SCP2: variants seen among roughly 807,000 people sequenced by gnomAD.
SCP2 encodes the protein sterol carrier protein 2, also known as SCP-2/3-oxoacyl-CoA thiolase.
A neutral mutation model predicts 71.4 loss-of-function variants in SCP2; 48 were observed. That is an observed-to-expected ratio of 0.67 (90% CI 0.53 to 0.86). The LOEUF is 0.86. Among genes scored for constraint, SCP2 ranks in the 40% least tolerant of loss-of-function variants. The pLI is 0.00. For missense variants in SCP2, 560 were observed against 655.6 expected (o/e 0.85, Z 1.59); for synonymous variants, 220 against 218.1 (o/e 1.01, Z -0.08).
chr1:53,032,915 A>G (rs1662660182), intron 13 of SCP2, among the ~76,000 whole-genome samples: 1 of 152,106 alleles, frequency 6.6e-6, no homozygotes, highest in South Asian at 2.1e-4. Context: ...TTAATACAAA[A>G]GTATTAAAAA....
chr1:52,935,596 A>G (rs1653657680), intron 1 of SCP2, among the ~76,000 whole-genome samples: 1 of 150,702 alleles, frequency 6.6e-6, no homozygotes. Context: ...TCAAAAAAAA[A>G]AAAAAAGAAA....
intron 2 of SCP2, among the ~76,000 whole-genome samples, chr1:52,947,272 A>G (rs1654893775): frequency 6.8e-6 from 1 of 147,772 alleles, no homozygotes; most frequent in African/African-American, 2.5e-5. Context: ...AAAAAAAAGA[A>G]TGAAGAGTGG....
chr1:52,976,760 TA>T lies in SCP2; in HGVS notation c.666del (p.Leu222PhefsTer38). On this transcript the variant is annotated frameshift_variant, in exon 8 of 16. Coordinates refer to ENST00000371514, the MANE Select transcript of SCP2 (RefSeq NM_002979.5). LOFTEE classifies it high-confidence loss of function. ...GAAGTTTTTGATTTTTTGACTATCT[TA>T]CAATGTTGGTAAGAAAAATATATTT... ...SKEVFDFLTI[L>X]QCCPTSDGAA... 1 of 1,450,834 alleles carries T rather than the reference TA, an allele frequency of 6.9e-7. No homozygotes were observed. Among genetic ancestry groups the T allele is most frequent in the Non-Finnish European group, 9.7e-7 (1 of 1,031,792 alleles). 89.9% of individuals were successfully genotyped at this position (1,450,834 alleles called of 1,614,324 possible).
chr1:52,982,295 G>A (rs1328355169), intron 10 of SCP2, among the ~76,000 whole-genome samples: 1 of 152,186 alleles, frequency 6.6e-6, no homozygotes, highest in Admixed American at 6.5e-5. Flanking sequence ...AGTTGGCAGG[G>A]CGCGGTGGCT....
In SCP2 at chr1:53,014,919, C is replaced by A. The variant is rs369561869; in HGVS notation, c.1111C>A (p.Gln371Lys). The A allele has an allele frequency of 6.2e-7, 1 of 1,613,394 alleles. No homozygotes were observed. The highest frequency in any genetic ancestry group is 1.3e-5 in the African/African-American group (1 of 74,896). ...GLAQCAELCW[Q>K]LRGEAGKRQV... ...TGCTCAGTGTGCAGAACTCTGCTGG[C>A]AGCTGAGAGGGGAAGCCGGAAAGAG... Residue 371 changes from glutamine (Q) to lysine (K), a missense_variant, in exon 12 of 16, where the codon CAG becomes AAG. Around this residue, in one of 3 missense-constraint regions of SCP2, gnomAD observed 513 missense variants for 573.1 expected, o/e 0.90. Transcript: ENST00000371514.
At position 52,978,211 on chromosome 1, in the gene SCP2, T is replaced by C. The variant is rs115815213; in HGVS notation, c.675-6T>C. On this transcript the variant is annotated splice_region_variant and splice_polypyrimidine_tract_variant and intron_variant, in intron 8 of 15. Coordinates refer to ENST00000371514, the MANE Select transcript of SCP2 (RefSeq NM_002979.5). ...GGTGTGGAGAATTATTTTTACTTCC[T>C]CTTAGTCCCACTTCAGATGGTGCTG... 849 of 1,613,340 alleles carry C rather than the reference T, an allele frequency of 5.3e-4. 5 individuals are homozygous for C. The African/African-American group carries it at 0.01, about 19-fold the overall frequency.
chr1:53,029,628 A>C (rs1662384187), intron 13 of SCP2, among the ~76,000 whole-genome samples: 1 of 152,216 alleles, frequency 6.6e-6, no homozygotes, highest in Non-Finnish European at 1.5e-5. Context: ...AGGCCAGAGG[A>C]CTACTTAATA....
chr1:52,967,033 C>CA (rs1177085651), intron 6 of SCP2, among the ~76,000 whole-genome samples: 2 of 147,680 alleles, frequency 1.4e-5, no homozygotes, highest in Admixed American at 1.4e-4. Context: ...ACTAAGAATA[C>CA]AAAAAAATTA....
At chr1:53,026,152 C>T (rs1386058972) in intron 12 of SCP2, among the ~76,000 whole-genome samples, 2 of 151,984 alleles carry the variant, frequency 1.3e-5, no homozygotes, top group African/African-American at 4.8e-5. Flanking sequence ...TGTACATAGT[C>T]TCAGGGTACA....
intron 2 of SCP2, among the ~76,000 whole-genome samples, chr1:52,946,890 C>T (rs1193934769): frequency 6.6e-6 from 1 of 151,554 alleles, no homozygotes; most frequent in East Asian, 1.9e-4. Flanking sequence ...AATCCCCTCT[C>T]TACTAAAAAC....
chr1:53,037,902 A>ACACACACACACACACC (rs1663086138), intron 13 of SCP2, among the ~76,000 whole-genome samples: 4 of 108,510 alleles, frequency 3.7e-5, no homozygotes, highest in African/African-American at 1.9e-4. Context: ...ACACACACAC[A>ACACACACACACACACC]CACACACACA....
chr1:53,046,206 G>T (rs1379752199), intron 14 of SCP2, among the ~76,000 whole-genome samples: 1 of 152,018 alleles, frequency 6.6e-6, no homozygotes, highest in Admixed American at 6.5e-5. Context: ...TATAGTATGT[G>T]TATGTTTAGC....
At chr1:53,044,198 C>G (rs936545877) in intron 14 of SCP2, among the ~76,000 whole-genome samples, 1 of 152,108 alleles carries the variant, frequency 6.6e-6, no homozygotes. Flanking sequence ...GCTGGAATTA[C>G]AGGCACCTGC....
At chr1:53,033,604 CAAA>C (rs59576285) in intron 13 of SCP2, among the ~76,000 whole-genome samples, 7,550 of 79,602 alleles carry the variant, frequency 0.095, 270 homozygotes, top group East Asian at 0.26. Flanking sequence ...AACTCCATTT[CAAA>C]AAAAAAAAAA....
intron 13 of SCP2, among the ~76,000 whole-genome samples, chr1:53,038,067 G>A (rs916668875): frequency 3.3e-5 from 5 of 151,312 alleles, no homozygotes; most frequent in African/African-American, 1.2e-4. Context: ...GATTGCTTGA[G>A]CACTGGAGAT....
At chr1:52,938,548 C>T (rs1189799772) in intron 1 of SCP2, among the ~76,000 whole-genome samples, 12 of 152,120 alleles carry the variant, frequency 7.9e-5, no homozygotes, top group Admixed American at 7.9e-4. Flanking sequence ...CCGCCATGCT[C>T]CTTTCATCAT....
At chr1:53,043,195 G>A (rs1323895969) in intron 14 of SCP2, among the ~76,000 whole-genome samples, 1 of 152,178 alleles carries the variant, frequency 6.6e-6, no homozygotes, top group Non-Finnish European at 1.5e-5. Flanking sequence ...TACCTTCCCT[G>A]AGAGTCCAAT....
chr1:52,982,333 G>A (rs906277208), intron 10 of SCP2, among the ~76,000 whole-genome samples: 1 of 152,194 alleles, frequency 6.6e-6, no homozygotes, highest in African/African-American at 2.4e-5. Context: ...CACTTTGGGA[G>A]GCCAAGGCGG....
intron 8 of SCP2, among the ~76,000 whole-genome samples, chr1:52,977,025 T>C (rs1434420780): frequency 1.3e-5 from 2 of 152,212 alleles, no homozygotes; most frequent in African/African-American, 4.8e-5. Flanking sequence ...GTGATTGCAA[T>C]TGTATTTATT....
Sources: gnomAD v4.1 joint callset for allele counts (sites outside exome capture counted in the v4.1 genomes callset) on GRCh38, gnomAD v4.1.1 for gene constraint, gnomAD v4.1.1 regional missense constraint, MANE v1.5 for transcripts, NCBI Gene and HGNC (gene_info 2026-07-23, HGNC 2026-07-21) for gene names.